Variants in PXDNL observed in about 807,000 individuals in gnomAD.
PXDNL encodes probable oxidoreductase PXDNL.
A neutral mutation model predicts 150.8 loss-of-function variants in PXDNL; 145 were observed. That is an observed-to-expected ratio of 0.96 (90% CI 0.84 to 1.10). The LOEUF (loss-of-function observed/expected upper bound fraction) is 1.10. Among genes scored for constraint, PXDNL ranks in the 50% least tolerant of loss-of-function variants. PXDNL has a pLI of 0.00. For missense variants in PXDNL, 2,087 were observed against 1,873.9 expected, an observed-to-expected ratio of 1.11 and a Z score of -2.10; for synonymous variants, 757 against 725.7, an observed-to-expected ratio of 1.04 and a Z score of -0.69.
chr8:51,390,888 C>G (rs1807880429), intron 17 of PXDNL, among the ~76,000 whole-genome samples: 1 of 152,022 alleles, frequency 6.6e-6, no homozygotes, highest in South Asian at 2.1e-4. Flanking sequence ...AATGCTATCC[C>G]TCCCCCCTCC....
intron 1 of PXDNL, among the ~76,000 whole-genome samples, chr8:51,672,119 T>G (rs533805519): frequency 6.6e-6 from 1 of 152,176 alleles, no homozygotes; most frequent in South Asian, 2.1e-4. Context: ...GTAGCTGGGA[T>G]TACAGGTGCA....
chr8:51,773,259 G>C (rs541083128), intron 1 of PXDNL, among the ~76,000 whole-genome samples: 3 of 152,224 alleles, frequency 2.0e-5, no homozygotes, highest in African/African-American at 7.2e-5. Context: ...TCCTGCCCAC[G>C]CTTCTTTTTT....
At chr8:51,750,736 G>T (rs2037038100) in intron 1 of PXDNL, among the ~76,000 whole-genome samples, 1 of 152,136 alleles carries the variant, frequency 6.6e-6, no homozygotes, top group Non-Finnish European at 1.5e-5. Flanking sequence ...TTTTCTTCAA[G>T]CCAGATATTG....
At chr8:51,372,817 A>G (rs1396595095) in intron 18 of PXDNL, among the ~76,000 whole-genome samples, 4 of 152,272 alleles carry the variant, frequency 2.6e-5, no homozygotes, top group Non-Finnish European at 4.4e-5. Flanking sequence ...CCATCAACTA[A>G]CTAGAATAAG....
intron 4 of PXDNL, among the ~76,000 whole-genome samples, chr8:51,536,639 T>A (rs79542736): frequency 0.049 from 7,274 of 149,878 alleles, 312 homozygotes; most frequent in East Asian, 0.23. Context: ...TTTTTTTTTT[T>A]AAATGCATTT....
At chr8:51,690,057 G>A (rs1382364300) in intron 1 of PXDNL, among the ~76,000 whole-genome samples, 1 of 152,142 alleles carries the variant, frequency 6.6e-6, no homozygotes, top group East Asian at 1.9e-4. Flanking sequence ...TAATAAAACC[G>A]AGCTTTTTAT....
chr8:51,598,848 C>G (rs1361724747), intron 2 of PXDNL, among the ~76,000 whole-genome samples: 19 of 152,036 alleles, frequency 1.2e-4, no homozygotes, highest in Admixed American at 1.2e-3. Flanking sequence ...TAGCATTCGG[C>G]TGTGAATCCA....
At chr8:51,736,228 A>C (rs1178990910) in intron 1 of PXDNL, among the ~76,000 whole-genome samples, 10 of 152,218 alleles carry the variant, frequency 6.6e-5, no homozygotes, top group Non-Finnish European at 1.5e-4. Context: ...TGTCATATAC[A>C]TTTGTATAGA....
At chr8:51,733,861 T>C (rs1585709282) in intron 1 of PXDNL, among the ~76,000 whole-genome samples, 1 of 147,478 alleles carries the variant, frequency 6.8e-6, no homozygotes, top group Non-Finnish European at 1.5e-5. Context: ...ATATATGATA[T>C]ATGATATATT....
chr8:51,525,179 G>C (rs1242355863), intron 4 of PXDNL, among the ~76,000 whole-genome samples: 1 of 151,934 alleles, frequency 6.6e-6, no homozygotes, highest in Non-Finnish European at 1.5e-5. Context: ...CAGGAAAAGT[G>C]CAGGAAAGCT....
At chr8:51,504,941 G>A (rs1811254800) in intron 4 of PXDNL, among the ~76,000 whole-genome samples, 1 of 152,150 alleles carries the variant, frequency 6.6e-6, no homozygotes, top group Non-Finnish European at 1.5e-5. Flanking sequence ...ATTTCCTTGG[G>A]GAAGAACCAT....
At chr8:51,382,283 AAAGGATTCTCTCCTCC>A (rs147362628) in intron 17 of PXDNL, among the ~76,000 whole-genome samples, 5,029 of 152,234 alleles carry the variant, frequency 0.033, 105 homozygotes, top group East Asian at 0.08. Flanking sequence ...TAGGAAAAGC[AAAGGATTCTCTCCTCC>A]AAGGTCCTGA....
intron 1 of PXDNL, among the ~76,000 whole-genome samples, chr8:51,710,212 C>G (rs1325259799): frequency 6.6e-6 from 1 of 152,210 alleles, no homozygotes; most frequent in African/African-American, 2.4e-5. Context: ...ATCTGTCTTG[C>G]TCTAGATTTT....
intron 1 of PXDNL, among the ~76,000 whole-genome samples, chr8:51,727,158 A>G (rs778849633): frequency 8.5e-5 from 13 of 152,238 alleles, no homozygotes; most frequent in African/African-American, 1.2e-4. Flanking sequence ...ACAAGTATTT[A>G]TAATAAGTGC....
At chr8:51,473,684 G>A (rs1043889542) in intron 7 of PXDNL, among the ~76,000 whole-genome samples, 19 of 148,974 alleles carry the variant, frequency 1.3e-4, no homozygotes, top group African/African-American at 4.5e-4. Flanking sequence ...CATGGCACAT[G>A]TATACATATG....
intron 21 of PXDNL, chr8:51,321,136 G>A: frequency 2.7e-6 from 1 of 372,748 alleles, no homozygotes; most frequent in Non-Finnish European, 4.7e-6. Flanking sequence ...TGGACCTAGA[G>A]TATGAAAGAG....
chr8:51,374,844 AGATAT>A, intron 17 of PXDNL, 113 bp from the exon 18 acceptor site: 1 of 1,235,820 alleles, frequency 8.1e-7, no homozygotes, highest in South Asian at 1.5e-5. Context: ...AAAGAAAAGT[AGATAT>A]GATTACTGTA....
At chr8:51,430,246 G>C (rs1809218056) in intron 12 of PXDNL, among the ~76,000 whole-genome samples, 1 of 152,160 alleles carries the variant, frequency 6.6e-6, no homozygotes, top group South Asian at 2.1e-4. Flanking sequence ...TCTAGACTTG[G>C]AAGGCGATCT....
intron 14 of PXDNL, among the ~76,000 whole-genome samples, chr8:51,416,673 T>A (rs897797426): frequency 6.6e-6 from 1 of 152,258 alleles, no homozygotes; most frequent in Non-Finnish European, 1.5e-5. Context: ...TGATACTGTG[T>A]TATACTGTCA....
Sources: gnomAD v4.1 joint callset for allele counts (sites outside exome capture counted in the v4.1 genomes callset) on GRCh38, gnomAD v4.1.1 for gene constraint, MANE v1.5 for transcripts, NCBI Gene and HGNC (gene_info 2026-07-23, HGNC 2026-07-21) for gene names.